Variants in TNIK observed in about 807,000 individuals in gnomAD.
TNIK encodes the protein TRAF2 and NCK interacting kinase.
Under a neutral mutation model 191.3 loss-of-function variants are expected in TNIK, and 49 were observed. The ratio of observed to expected loss-of-function variants is 0.26; its 90% confidence interval spans 0.20 to 0.32. The LOEUF is 0.32. Among genes scored for constraint, TNIK ranks in the 10% least tolerant of loss-of-function variants. TNIK has a pLI of 1.00. For missense variants in TNIK, 1,155 were observed against 1,702.3 expected, an observed-to-expected ratio of 0.68 and a Z score of 5.66; for synonymous variants, 594 against 600.9, an observed-to-expected ratio of 0.99 and a Z score of 0.17.
At chr3:171,123,083 C>T (rs986669983) in intron 18 of TNIK, among the ~76,000 whole-genome samples, 4 of 152,200 alleles carry the variant, frequency 2.6e-5, no homozygotes, top group South Asian at 2.1e-4. Context: ...GCAACTTCCT[C>T]GTAAGAGCTA....
chr3:171,185,735 A>G (rs1038593105), intron 7 of TNIK, among the ~76,000 whole-genome samples: 2 of 152,232 alleles, frequency 1.3e-5, no homozygotes, highest in Admixed American at 6.5e-5. Flanking sequence ...TTTTGTAAAA[A>G]GTTATAGTGG....
intron 12 of TNIK, among the ~76,000 whole-genome samples, chr3:171,141,142 C>T (rs887342887): frequency 5.9e-5 from 9 of 152,188 alleles, no homozygotes; most frequent in African/African-American, 1.2e-4. Flanking sequence ...TCATCATCAT[C>T]GTCATCGTCA....
At chr3:171,067,545 C>T (rs1403580293) in intron 30 of TNIK, among the ~76,000 whole-genome samples, 3 of 151,876 alleles carry the variant, frequency 2.0e-5, no homozygotes, top group Non-Finnish European at 4.4e-5. Context: ...TGGTGGGCAC[C>T]TGTAGTCCCA....
chr3:171,369,686 C>T lies in TNIK; in HGVS notation c.58-1G>A. On this transcript the variant is annotated splice_acceptor_variant, in intron 1 of 32. Transcript: ENST00000436636. LOFTEE classifies it high-confidence loss of function. ...CCAATTCAAAGATCCCTGCGGGGTCCTGAAAGAAAATAAACAAACAATAAA... is the reference window on the plus strand; with the variant it reads ...CCAATTCAAAGATCCCTGCGGGGTCTTGAAAGAAAATAAACAAACAATAAA... The T allele has an allele frequency of 6.4e-7, 1 of 1,558,584 alleles. No homozygotes were observed.
intron 21 of TNIK, among the ~76,000 whole-genome samples, chr3:171,105,568 G>A (rs2108479226): frequency 6.8e-6 from 1 of 148,136 alleles, no homozygotes; most frequent in Non-Finnish European, 1.5e-5. Context: ...AACCATACAT[G>A]GCTCCAGAGA....
At chr3:171,293,903 G>A (rs1348579976) in intron 2 of TNIK, among the ~76,000 whole-genome samples, 2 of 152,034 alleles carry the variant, frequency 1.3e-5, no homozygotes, top group Non-Finnish European at 2.9e-5. Flanking sequence ...AACACAGCAA[G>A]AGCTCATCTC....
intron 2 of TNIK, among the ~76,000 whole-genome samples, chr3:171,259,680 C>CA (rs1434293592): frequency 6.6e-6 from 1 of 152,062 alleles, no homozygotes; most frequent in African/African-American, 2.4e-5. Flanking sequence ...GAAATTAAGG[C>CA]AAAAAACTGG....
intron 2 of TNIK, among the ~76,000 whole-genome samples, chr3:171,246,017 A>C (rs760173245): frequency 1.3e-5 from 2 of 152,098 alleles, no homozygotes; most frequent in Non-Finnish European, 2.9e-5. Flanking sequence ...CAGGAAGGAA[A>C]GCAAAGAAGG....
chr3:171,236,007 C>T (rs540209153), intron 2 of TNIK, among the ~76,000 whole-genome samples: 5 of 152,148 alleles, frequency 3.3e-5, no homozygotes, highest in Middle Eastern at 3.4e-3. Flanking sequence ...GCCCTAAGTC[C>T]CTAATGCCCT....
chr3:171,200,786 G>A (rs149306955), intron 4 of TNIK, among the ~76,000 whole-genome samples: 33 of 152,296 alleles, frequency 2.2e-4, no homozygotes, highest in African/African-American at 7.7e-4. Context: ...GCAGTCAAAG[G>A]TTTGGATGAT....
At chr3:171,434,117 G>A (rs1725721643) in intron 1 of TNIK, among the ~76,000 whole-genome samples, 1 of 151,536 alleles carries the variant, frequency 6.6e-6, no homozygotes, top group African/African-American at 2.4e-5. Context: ...TGTATTTTTA[G>A]TAGAGGCAGG....
At chr3:171,271,502 T>TA (rs1749098424) in intron 2 of TNIK, among the ~76,000 whole-genome samples, 1 of 152,226 alleles carries the variant, frequency 6.6e-6, no homozygotes, top group Non-Finnish European at 1.5e-5. Context: ...TGGAAACACT[T>TA]ATGTCCATCT....
chr3:171,241,271 C>T (rs1744954958), intron 2 of TNIK, among the ~76,000 whole-genome samples: 1 of 152,028 alleles, frequency 6.6e-6, no homozygotes, highest in Non-Finnish European at 1.5e-5. Context: ...CTCAGGTGAT[C>T]CAACTGCCTC....
At chr3:171,323,752 G>GC (rs1755436910) in intron 2 of TNIK, among the ~76,000 whole-genome samples, 1 of 152,116 alleles carries the variant, frequency 6.6e-6, no homozygotes. Flanking sequence ...GAATCCAAGT[G>GC]AGAATGACAG....
intron 2 of TNIK, among the ~76,000 whole-genome samples, chr3:171,307,138 C>G (rs1009506354): frequency 4.6e-5 from 7 of 152,098 alleles, no homozygotes; most frequent in African/African-American, 1.7e-4. Flanking sequence ...TTTCCAAAAC[C>G]TATTTTCTAT....
intron 7 of TNIK, 129 bp from the exon 8 acceptor site, chr3:171,177,509 C>T: frequency 9.0e-7 from 1 of 1,105,446 alleles, no homozygotes; most frequent in Non-Finnish European, 1.3e-6. Context: ...ATTTCTTCCA[C>T]TAACCTTCAA....
intron 18 of TNIK, among the ~76,000 whole-genome samples, chr3:171,113,668 A>AAAAT (rs922805043): frequency 9.9e-5 from 15 of 151,654 alleles, no homozygotes; most frequent in African/African-American, 3.6e-4. Flanking sequence ...ACTCCCATTA[A>AAAAT]AAATATATAT....
chr3:171,300,046 TA>T (rs1203614909), intron 2 of TNIK, among the ~76,000 whole-genome samples: 2 of 152,222 alleles, frequency 1.3e-5, no homozygotes, highest in Non-Finnish European at 2.9e-5. Flanking sequence ...TACAAACTAC[TA>T]AACATCAGGA....
chr3:171,403,159 G>A (rs1018510830), intron 1 of TNIK, among the ~76,000 whole-genome samples: 47 of 152,322 alleles, frequency 3.1e-4, no homozygotes, highest in African/African-American at 1.1e-3. Flanking sequence ...CCTGGGGCTG[G>A]TCAGAGGCTC....
Sources: gnomAD v4.1 joint callset for allele counts (sites outside exome capture counted in the v4.1 genomes callset) on GRCh38, gnomAD v4.1.1 for gene constraint, MANE v1.5 for transcripts, NCBI Gene and HGNC (gene_info 2026-07-23, HGNC 2026-07-21) for gene names.